TSHR: variants seen among roughly 807,000 people sequenced by gnomAD.
TSHR encodes thyroid stimulating hormone receptor, also known as thyrotropin receptor.
In TSHR, 51 loss-of-function variants were observed where a neutral mutation model predicts 64.1. That is an observed-to-expected ratio of 0.80 (90% confidence interval 0.64 to 1.01). TSHR has a LOEUF of 1.01. Among genes scored for constraint, TSHR ranks in the 50% least tolerant of loss-of-function variants. TSHR has a pLI of 0.00. For synonymous variants in TSHR, 361 were observed against 361.9 expected, an observed-to-expected ratio of 1.00 and a Z score of 0.03; for missense variants, 877 against 942.8, an observed-to-expected ratio of 0.93 and a Z score of 0.91.
At chr14:80,982,362 T>G (rs1264241047) in intron 1 of TSHR, 2 of 1,246,374 alleles carry the variant, frequency 1.6e-6, no homozygotes, top group South Asian at 3.0e-5. Flanking sequence ...GGTTCTGAAA[T>G]GGAGAAGAGG....
At chr14:81,114,824 T>C (rs1406766503) in intron 8 of TSHR, among the ~76,000 whole-genome samples, 2 of 152,206 alleles carry the variant, frequency 1.3e-5, no homozygotes, top group Non-Finnish European at 2.9e-5. Context: ...AGCACGCAGC[T>C]GGAGATCTGA....
At chr14:81,080,767 T>C (rs1887844503) in intron 3 of TSHR, among the ~76,000 whole-genome samples, 1 of 152,220 alleles carries the variant, frequency 6.6e-6, no homozygotes, top group Non-Finnish European at 1.5e-5. Context: ...TGAACTTTCA[T>C]ATTATAGATT....
intron 8 of TSHR, among the ~76,000 whole-genome samples, chr14:81,137,306 C>G (rs1891493864): frequency 6.6e-6 from 1 of 152,166 alleles, no homozygotes; most frequent in Non-Finnish European, 1.5e-5. Context: ...TGCCTCAATG[C>G]TGTCTCCATC....
At chr14:81,080,930 T>C (rs1887856038) in intron 3 of TSHR, among the ~76,000 whole-genome samples, 1 of 152,192 alleles carries the variant, frequency 6.6e-6, no homozygotes, top group Admixed American at 6.5e-5. Context: ...AAAAAGTTAA[T>C]GTAAAAAGCC....
intron 1 of TSHR, among the ~76,000 whole-genome samples, chr14:81,043,574 AG>A (rs1399267098): frequency 2.0e-5 from 3 of 152,226 alleles, no homozygotes; most frequent in Non-Finnish European, 2.9e-5. Context: ...ACACAGAATT[AG>A]AAAAAACTAT....
chr14:81,092,760 T>C, intron 6 of TSHR, 152 bp downstream of exon 6: 2 of 762,204 alleles, frequency 2.6e-6, no homozygotes, highest in South Asian at 3.0e-5. Flanking sequence ...AGTATTGTCT[T>C]ATGGGATGGT....
intron 1 of TSHR, among the ~76,000 whole-genome samples, chr14:80,996,267 A>G (rs2139749998): frequency 6.6e-6 from 1 of 152,240 alleles, no homozygotes; most frequent in South Asian, 2.1e-4. Flanking sequence ...GCACAAACCT[A>G]GCAGCTTGTT....
chr14:81,043,080 G>A (rs941434156), intron 1 of TSHR, among the ~76,000 whole-genome samples: 3 of 152,120 alleles, frequency 2.0e-5, no homozygotes, highest in Non-Finnish European at 4.4e-5. Flanking sequence ...AGCATTGGAA[G>A]TTCTAGGGCA....
At chr14:81,124,074 G>A (rs961111176) in intron 8 of TSHR, among the ~76,000 whole-genome samples, 1 of 152,142 alleles carries the variant, frequency 6.6e-6, no homozygotes, top group Non-Finnish European at 1.5e-5. Flanking sequence ...TACCTCCTAA[G>A]AAGAGGAAAT....
At chr14:80,973,429 A>AAAAAAAAAAAAAAC (rs1566743346) in intron 1 of TSHR, among the ~76,000 whole-genome samples, 7 of 146,234 alleles carry the variant, frequency 4.8e-5, no homozygotes, top group Non-Finnish European at 7.5e-5. Flanking sequence ...AAAAAAAAAA[A>AAAAAAAAAAAAAAC]TCTGTGTACT....
chr14:81,129,209 C>A (rs1371556934), intron 8 of TSHR, among the ~76,000 whole-genome samples: 1 of 152,100 alleles, frequency 6.6e-6, no homozygotes, highest in Non-Finnish European at 1.5e-5. Context: ...AAACATCCTG[C>A]TCTCTTTCTA....
chr14:81,026,617 A>G (rs561787125), intron 1 of TSHR, among the ~76,000 whole-genome samples: 2 of 152,350 alleles, frequency 1.3e-5, no homozygotes, highest in African/African-American at 4.8e-5. Flanking sequence ...TTTCTGTGTT[A>G]GGACTCCAGA....
At chr14:81,109,057 C>A in intron 8 of TSHR, 1 of 1,105,108 alleles carries the variant, frequency 9.0e-7, no homozygotes, top group Non-Finnish European at 1.1e-6. Flanking sequence ...CTTCCTCATT[C>A]CCTTGGTTTT....
At chr14:81,127,466 G>A (rs1891063192) in intron 8 of TSHR, among the ~76,000 whole-genome samples, 1 of 152,068 alleles carries the variant, frequency 6.6e-6, no homozygotes, top group African/African-American at 2.4e-5. Flanking sequence ...GAGAAGGGAG[G>A]GGATTCAACA....
intron 8 of TSHR, among the ~76,000 whole-genome samples, chr14:81,119,439 C>T (rs1399206280): frequency 7.0e-6 from 1 of 142,468 alleles, no homozygotes; most frequent in Non-Finnish European, 1.5e-5. Context: ...TGTTCATCAT[C>T]ACTGGCCATC....
At chr14:81,011,616 A>T (rs1889912168) in intron 1 of TSHR, among the ~76,000 whole-genome samples, 1 of 152,110 alleles carries the variant, frequency 6.6e-6, no homozygotes, top group South Asian at 2.1e-4. Context: ...TTTTCAAACC[A>T]GTTTTTATAC....
intron 8 of TSHR, among the ~76,000 whole-genome samples, chr14:81,123,165 G>A (rs1890878837): frequency 6.6e-6 from 1 of 151,858 alleles, no homozygotes; most frequent in African/African-American, 2.4e-5. Context: ...TAATAACAAA[G>A]CCACAAAGCA....
intron 1 of TSHR, among the ~76,000 whole-genome samples, chr14:81,048,969 T>G (rs1885303807): frequency 6.6e-6 from 1 of 152,208 alleles, no homozygotes; most frequent in South Asian, 2.1e-4. Flanking sequence ...GGTGATGTTT[T>G]TGTGACCAGA....
At chr14:80,971,418 T>G (rs1887582948) in intron 1 of TSHR, among the ~76,000 whole-genome samples, 1 of 152,222 alleles carries the variant, frequency 6.6e-6, no homozygotes, top group Non-Finnish European at 1.5e-5. Context: ...TTTACTACTT[T>G]TGATTCTCTC....
Sources: allele counts gnomAD v4.1 joint callset (sites outside exome capture counted in the v4.1 genomes callset), GRCh38; gene constraint gnomAD v4.1.1; transcripts MANE v1.5; gene names NCBI Gene and HGNC (gene_info 2026-07-23, HGNC 2026-07-21).